The following NSFL1C variants were observed in gnomAD, a reference collection of about 807,000 sequenced individuals.
NSFL1C encodes the protein NSFL1 cofactor.
A neutral mutation model predicts 43.1 loss-of-function variants in NSFL1C; 14 were observed. The observed-to-expected ratio is 0.32, with a 90% CI of 0.21 to 0.51. NSFL1C has a LOEUF of 0.51. Ranked by LOEUF, NSFL1C falls within the 20% of genes least tolerant of loss-of-function variation. The probability of loss-of-function intolerance (pLI) is 0.98; values close to 1 mark genes in which losing one functional copy is unlikely to be tolerated. For synonymous variants in NSFL1C, 171 were observed against 183.5 expected (o/e 0.93, Z 0.55); for missense variants, 406 against 472.5 (o/e 0.86, Z 1.30).
chr20:1,466,570 G>T, intron 1 of NSFL1C, 150 bp downstream of exon 1: 1 of 675,542 alleles, frequency 1.5e-6, no homozygotes, highest in Non-Finnish European at 2.3e-6. Context: ...CAGGCGACGC[G>T]TGACAAGCGG....
intron 7 of NSFL1C, among the ~76,000 whole-genome samples, chr20:1,447,054 T>C (rs141219959): frequency 6.6e-6 from 1 of 152,312 alleles, no homozygotes; most frequent in East Asian, 1.9e-4. Context: ...AAGCATATAA[T>C]TAAAGAATGA....
At chr20:1,458,082 C>G in intron 3 of NSFL1C, 118 bp downstream of exon 3, 1 of 829,108 alleles carries the variant, frequency 1.2e-6, no homozygotes, top group Non-Finnish European at 2.1e-6. Flanking sequence ...CAGACCAGCC[C>G]ACAGTAGTAA....
At chr20:1,454,860 G>A (rs532931085) in intron 4 of NSFL1C, 107 bp downstream of exon 4, 2 of 1,188,716 alleles carry the variant, frequency 1.7e-6, no homozygotes, top group East Asian at 2.3e-5. Context: ...GACCAAGTAA[G>A]CAAATGAAAA....
At position 1,455,184 on chromosome 20, in the gene NSFL1C, G is replaced by A. The variant is rs377520195; in HGVS notation, c.279-52C>T. 32 of 1,601,884 alleles carry A rather than the reference G, an allele frequency of 2.0e-5. No homozygotes were observed. The African/African-American group carries it at 3.9e-4, about 19-fold the overall frequency. ...GAAACACTCATGGAAAACATGAATA[G>A]AGCATGTGCCAGGTTGGTGCTGGGC... On this transcript the variant is annotated intron_variant, in intron 3 of 8. Coordinates refer to ENST00000216879, the MANE Select transcript of NSFL1C (RefSeq NM_016143.5).
At chr20:1,454,095 G>A in intron 5 of NSFL1C, 118 bp downstream of exon 5, 1 of 772,198 alleles carries the variant, frequency 1.3e-6, no homozygotes. Flanking sequence ...CAAGGGCACT[G>A]TCTCTGTTAG....
chr20:1,445,373 T>A (rs1225256963), intron 8 of NSFL1C, among the ~76,000 whole-genome samples: 3 of 151,860 alleles, frequency 2.0e-5, no homozygotes, highest in African/African-American at 7.2e-5. Context: ...TGGGACTTCC[T>A]CTGAAGTCTG....
intron 2 of NSFL1C, chr20:1,463,963 A>C (rs2090461779): frequency 4.7e-6 from 1 of 214,968 alleles, no homozygotes. Context: ...TAAAATATCA[A>C]AACAGCTTTC....
At chr20:1,454,833 T>C (rs1194277316) in intron 4 of NSFL1C, 134 bp downstream of exon 4, 2 of 933,042 alleles carry the variant, frequency 2.1e-6, no homozygotes, top group Non-Finnish European at 1.6e-6. Context: ...TAAACTACAC[T>C]CGTGTTCCGC....
rs538695387 is a variant in NSFL1C at position 1,454,958 on chromosome 20, T to G, written c.444+9A>C. On this transcript the variant is annotated intron_variant, in intron 4 of 8. Transcript: ENST00000216879. The stretch of plus-strand genomic sequence containing the variant: ...TCCTGTGGGCACAGACAATGACCCT[T>G]ATACTCACTCTCGGTTTACTGGTCT... 203 of 1,612,644 alleles carry G rather than the reference T, an allele frequency of 1.3e-4. 4 individuals carry two copies. In the South Asian group the frequency reaches 2.1e-3, roughly 17 times the overall value.
Position 1,458,286 on chromosome 20 carries a change from G to A in NSFL1C, c.204-12C>T, listed in dbSNP as rs374971167. On this transcript the variant is annotated splice_polypyrimidine_tract_variant and intron_variant, in intron 2 of 8. Coordinates refer to ENST00000216879, the MANE Select transcript of NSFL1C (RefSeq NM_016143.5). The stretch of plus-strand genomic sequence containing the variant: ...TCACTCTATTATCACTGGAGACACA[G>A]AAAGGAGCAAAATGATCTCAGGGAG... 9 of 1,609,662 alleles carry A rather than the reference G, an allele frequency of 5.6e-6. No individual in the cohort carries two copies. The East Asian group carries it at 8.9e-5, about 16-fold the overall frequency.
At chr20:1,450,324 C>T (rs150161615) in intron 7 of NSFL1C, among the ~76,000 whole-genome samples, 1 of 151,780 alleles carries the variant, frequency 6.6e-6, no homozygotes, top group African/African-American at 2.4e-5. Context: ...TCTCACTTAA[C>T]TTTATAAAAC....
chr20:1,455,849 C>T, intron 3 of NSFL1C: 1 of 735,740 alleles, frequency 1.4e-6, no homozygotes, highest in Non-Finnish European at 2.5e-6. Flanking sequence ...CCTTGCCATT[C>T]ATGTGACACA....
intron 8 of NSFL1C, among the ~76,000 whole-genome samples, 185 bp downstream of exon 8, chr20:1,445,481 G>C (rs1264792145): frequency 5.9e-5 from 9 of 152,162 alleles, no homozygotes; most frequent in Admixed American, 5.9e-4. Flanking sequence ...CCACACTAAT[G>C]GAAGAGTGGG....
intron 2 of NSFL1C, among the ~76,000 whole-genome samples, chr20:1,461,257 C>T (rs555214751): frequency 1.2e-4 from 19 of 152,282 alleles, no homozygotes; most frequent in African/African-American, 4.6e-4. Context: ...GGGAGAGATG[C>T]CACCCAGTAG....
intron 7 of NSFL1C, chr20:1,446,093 T>C (rs2090053633): frequency 7.4e-6 from 4 of 539,650 alleles, no homozygotes; most frequent in South Asian, 7.3e-5. Context: ...ACTCGGCCTT[T>C]TTCCTCCTTG....
intron 7 of NSFL1C, among the ~76,000 whole-genome samples, chr20:1,448,659 G>C (rs2090121575): frequency 6.6e-6 from 1 of 152,210 alleles, no homozygotes; most frequent in Non-Finnish European, 1.5e-5. Flanking sequence ...CCATTCCTAA[G>C]CCAGGCCCTG....
At chr20:1,444,599 T>C (rs553420260) in intron 8 of NSFL1C, among the ~76,000 whole-genome samples, 1 of 152,328 alleles carries the variant, frequency 6.6e-6, no homozygotes, top group African/African-American at 2.4e-5. Flanking sequence ...ATAAGTTTCC[T>C]TTTTGCCCCA....
In NSFL1C at chr20:1,466,737, C is replaced by T; in HGVS notation, c.88G>A (p.Ala30Thr). The change falls in exon 1 of 9, where the codon GCC (alanine) becomes ACC (threonine). Residue 30 changes from alanine to threonine, a missense_variant. By Grantham distance (58) the Ala-to-Thr change is moderately conservative. This residue lies in a region of NSFL1C where 203 missense variants were observed against 216.3 expected (regional missense o/e 0.94). Coordinates refer to ENST00000216879, the MANE Select transcript of NSFL1C (RefSeq NM_016143.5). ...GGCGCTACCTGCAAGTCCCAGCCGG[C>T]CGACTCGAGAAAGAAGCGGGCCCGG... ...EDRARFFLES[A>T]GWDLQIALAS... The T allele has an allele frequency of 1.3e-6, 2 of 1,559,060 alleles. No homozygotes were observed. Among genetic ancestry groups the T allele is most frequent in the Non-Finnish European group, 1.7e-6 (2 of 1,155,346 alleles).
chr20:1,455,530 T>C (rs2090279587), intron 3 of NSFL1C, among the ~76,000 whole-genome samples: 1 of 152,138 alleles, frequency 6.6e-6, no homozygotes, highest in Non-Finnish European at 1.5e-5. Flanking sequence ...GTGACTACAG[T>C]CATAGTCAGA....
Sources: gnomAD v4.1 joint callset for allele counts (sites outside exome capture counted in the v4.1 genomes callset) on GRCh38, gnomAD v4.1.1 for gene constraint, gnomAD v4.1.1 regional missense constraint, MANE v1.5 for transcripts, NCBI Gene and HGNC (gene_info 2026-07-23, HGNC 2026-07-21) for gene names.